Variants in APBB1 observed in about 807,000 individuals in gnomAD.
The protein encoded by APBB1 is adaptor protein FE65a2.
A neutral mutation model predicts 78.4 loss-of-function variants in APBB1; 22 were observed. The ratio of observed to expected loss-of-function variants is 0.28; its 90% CI spans 0.20 to 0.40. The LOEUF (loss-of-function observed/expected upper bound fraction) is 0.40. Among genes scored for constraint, APBB1 ranks in the 10% least tolerant of loss-of-function variants. The pLI, the probability that APBB1 is intolerant of heterozygous loss-of-function variation, is 1.00. For synonymous variants in APBB1, 369 were observed against 372.7 expected (o/e 0.99, Z 0.12); for missense variants, 749 against 932.4 (o/e 0.80, Z 2.56).
chr11:6,408,226 GGA>G (rs1848866722), intron 2 of APBB1, among the ~76,000 whole-genome samples: 1 of 152,166 alleles, frequency 6.6e-6, no homozygotes, highest in African/African-American at 2.4e-5. Context: ...TATGACCACA[GGA>G]GAGAGTCTGA....
chr11:6,405,767 A>C, intron 2 of APBB1: 1 of 810,182 alleles, frequency 1.2e-6, no homozygotes, highest in Non-Finnish European at 1.5e-6. Flanking sequence ...CTCACACTCT[A>C]TGGAATAAGG....
intron 2 of APBB1, chr11:6,405,555 G>A (rs1430533497): frequency 2.0e-6 from 2 of 985,896 alleles, no homozygotes; most frequent in Admixed American, 6.1e-5. Context: ...CTGCTGCTGG[G>A]CAACCAGACA....
intron 2 of APBB1, among the ~76,000 whole-genome samples, chr11:6,404,407 C>A (rs780512420): frequency 2.6e-5 from 4 of 152,144 alleles, no homozygotes; most frequent in African/African-American, 9.7e-5. Context: ...AACATACGAG[C>A]CCCTGCCACA....
Position 6,395,924 on chromosome 11 carries a change from G to C in APBB1, c.1827C>G (p.Leu609=). The change falls in exon 14 of 15, where the codon CTC becomes CTG. Residue 609 remains leucine (L), a synonymous_variant. Transcript: ENST00000609360. The surrounding 1 kb of genome is among the most constrained non-coding windows in gnomAD (Gnocchi z 5.2). ...CATCTCTGCCCACGGCCAGGAAGGA[G>C]AGGAAACGCACCCGACACTCTCCCA... ...AVLGECRVRF[L]SFLAVGRDVH... The C allele has an allele frequency of 6.2e-7, 1 of 1,613,960 alleles. No homozygotes were observed. The highest frequency in any genetic ancestry group is 8.5e-7 in the Non-Finnish European group (1 of 1,179,994).
Position 6,411,580 on chromosome 11 carries a change from C to A in APBB1, c.-14-219G>T, listed in dbSNP as rs1175039591. On this transcript the variant is annotated intron_variant, in intron 1 of 14. Coordinates refer to ENST00000609360, the MANE Select transcript of APBB1 (RefSeq NM_001164.5). The surrounding 1 kb of genome is among the most constrained non-coding windows in gnomAD (Gnocchi z 5.2). ...GCCCAGGTCTGAGGCCCACCCCATC[C>A]CTATATCCCCTGCCCTGAGCTTTCT... Among the ~76,000 whole-genome samples the A allele has an allele frequency of 6.6e-6, 1 of 152,264 alleles. No individual in the cohort carries two copies.
rs1449325391 is a variant in APBB1, at chr11:6,403,641, C to A, written c.897+6G>T. On this transcript the variant is annotated splice_donor_region_variant and intron_variant, in intron 3 of 14. Transcript: ENST00000609360. The surrounding 1 kb of genome is among the most constrained non-coding windows in gnomAD (Gnocchi z 5.3). ...GGCCCAAAATCAACAGGCCTGTGAG[C>A]CTCACCTGGGACTCCTCTTGGGGGC... 5 of 1,610,100 alleles carry A rather than the reference C, an allele frequency of 3.1e-6. No individual in the cohort carries two copies. Among genetic ancestry groups the A allele is most frequent in the South Asian group, 2.2e-5 (2 of 90,626 alleles).
In APBB1 at chr11:6,410,650, G is replaced by A; in HGVS notation, c.698C>T (p.Ser233Phe). 6.6e-7 allele frequency: 1 copy of A among 1,517,620 alleles called. No individual in the cohort carries two copies. Among genetic ancestry groups the A allele is most frequent in the Non-Finnish European group, 8.8e-7 (1 of 1,134,066 alleles). 94.0% of individuals were successfully genotyped at this position (1,517,620 alleles called of 1,614,324 possible). A position where few individuals can be genotyped will look rare whatever the true frequency, so the allele number is the denominator to read the frequency against. ...SWATLSQGSP[S>F]YGSPEDTDSF... ...ACCTGTGTCCTCTGGGGAGCCATAG[G>A]AGGGGCTGCCCTGGGATAAGGTAGC... Residue 233 changes from serine (S) to phenylalanine (F), a missense_variant, in exon 2 of 15, where the codon TCC (serine) becomes TTC (phenylalanine). By Grantham distance (155) the Ser-to-Phe change is radical (BLOSUM62 -2). Transcript: ENST00000609360.
chr11:6,401,014 C>T lies in APBB1; in HGVS notation c.1647G>A (p.Gly549=). The change falls in exon 12 of 15, where the codon GGG becomes GGA. Residue 549 remains glycine, a synonymous_variant. Coordinates refer to ENST00000609360, the MANE Select transcript of APBB1 (RefSeq NM_001164.5). The surrounding 1 kb of genome is among the most constrained non-coding windows in gnomAD (Gnocchi z 4.5). ...LVQKFQVYYL[G]NVPVAKPVGV... ...CAACAGGTTTAGCAACAGGTACATT[C>T]CCCAGGTAATAGACTTGGAACTTCT... The T allele has an allele frequency of 6.2e-7, 1 of 1,614,100 alleles. No individual in the cohort carries two copies. The highest frequency in any genetic ancestry group is 8.5e-7 in the Non-Finnish European group (1 of 1,179,996).
intron 12 of APBB1, among the ~76,000 whole-genome samples, chr11:6,400,626 C>T (rs1453703993): frequency 6.6e-6 from 1 of 152,110 alleles, no homozygotes; most frequent in African/African-American, 2.4e-5. Context: ...GCTCCCAGCC[C>T]ACAGCTGGTG....
In APBB1 at chr11:6,395,879, G is replaced by A; in HGVS notation, c.1872C>T (p.Ile624=). ...VGRDVHTFAF[I]MAAGPASFCC... The stretch of plus-strand genomic sequence containing the variant: ...AGAAGGAGGCTGGGCCGGCAGCCAT[G>A]ATGAATGCAAACGTGTGGACATCTC... The change falls in exon 14 of 15, where the codon ATC becomes ATT. Residue 624 remains isoleucine (I), a synonymous_variant. Transcript: ENST00000609360. The surrounding 1 kb of genome is among the most constrained non-coding windows in gnomAD (Gnocchi z 5.2). 6.2e-7 allele frequency: 1 copy of A among 1,614,072 alleles called. No individual in the cohort carries two copies. Among genetic ancestry groups the A allele is most frequent in the Non-Finnish European group, 8.5e-7 (1 of 1,180,014 alleles).
Position 6,403,415 on chromosome 11 carries a change from G to T in APBB1, c.955-11C>A, listed in dbSNP as rs1313440743. 2 of 1,613,982 alleles carry T rather than the reference G, an allele frequency of 1.2e-6. No individual in the cohort carries two copies. The highest frequency in any genetic ancestry group is 1.3e-5 in the African/African-American group (1 of 74,890). Reference sequence around the variant, plus strand: ...ATCACTGGGTTCATCCTTGGGAAGGGGATTGAGGAATCAGTATCAAAATGA... The same window carrying T: ...ATCACTGGGTTCATCCTTGGGAAGGTGATTGAGGAATCAGTATCAAAATGA... On this transcript the variant is annotated splice_polypyrimidine_tract_variant and intron_variant, in intron 4 of 14. Coordinates refer to ENST00000609360, the MANE Select transcript of APBB1 (RefSeq NM_001164.5). This position sits in a 1 kb window ranked among gnomAD's most constrained non-coding sequence, Gnocchi z 5.3.
chr11:6,408,431 G>T (rs1239921319), intron 2 of APBB1, among the ~76,000 whole-genome samples: 1 of 152,154 alleles, frequency 6.6e-6, no homozygotes, highest in Non-Finnish European at 1.5e-5. Context: ...AAGGTAGGAG[G>T]ATTGTTTGAG....
rs1590788122 is a variant in APBB1 at position 6,410,769 on chromosome 11, T to C, written c.579A>G (p.Gln193=). ...LESVEAPPRP[Q]ALTDGPREHS... is the part of the protein sequence containing the mutation. ...GTTCCCGGGGGCCATCTGTAAGGGC[T>C]TGGGGCCTGGGAGGGGCCTCCACAC... Residue 193 remains glutamine (Q), a synonymous_variant, in exon 2 of 15, where the codon CAA becomes CAG. Coordinates refer to ENST00000609360, the MANE Select transcript of APBB1 (RefSeq NM_001164.5). 1 of 1,600,564 alleles carries C rather than the reference T, an allele frequency of 6.2e-7. No individual in the cohort carries two copies. Among genetic ancestry groups the C allele is most frequent in the Non-Finnish European group, 8.5e-7 (1 of 1,172,056 alleles).
At chr11:6,402,888 G>T in intron 6 of APBB1, 163 bp from the exon 7 acceptor site, 1 of 902,872 alleles carries the variant, frequency 1.1e-6, no homozygotes, top group Non-Finnish European at 1.7e-6. Context: ...GGGTGAGGGA[G>T]ATGTCAGATG....
Position 6,401,137 on chromosome 11 carries a change from G to A in APBB1, c.1589-65C>T. On this transcript the variant is annotated intron_variant, in intron 11 of 14. Coordinates refer to ENST00000609360, the MANE Select transcript of APBB1 (RefSeq NM_001164.5). The surrounding 1 kb of genome is among the most constrained non-coding windows in gnomAD (Gnocchi z 4.5). ...TTGCTCACCCGCAGCCCCACCAGCAGGGCATAAGCTGGACACTTGCCCAGC... is the reference window on the plus strand; with the variant it reads ...TTGCTCACCCGCAGCCCCACCAGCAAGGCATAAGCTGGACACTTGCCCAGC... 1 of 1,613,996 alleles carries A rather than the reference G, an allele frequency of 6.2e-7. No individual in the cohort carries two copies. Among genetic ancestry groups the A allele is most frequent in the South Asian group, 1.1e-5 (1 of 90,996 alleles).
upstream of APBB1, chr11:6,419,132 G>A (rs1226168594): frequency 2.8e-6 from 1 of 362,282 alleles, no homozygotes; most frequent in Non-Finnish European, 4.9e-6. Flanking sequence ...CGCGCGCAAG[G>A]GGAGGGGGAG....
intron 12 of APBB1, among the ~76,000 whole-genome samples, chr11:6,396,800 G>GCA (rs1848254415): frequency 6.6e-6 from 1 of 152,144 alleles, no homozygotes; most frequent in Non-Finnish European, 1.5e-5. Flanking sequence ...CGAGGAATGG[G>GCA]GACCTGAGCT....
In APBB1 at chr11:6,401,364, A is replaced by G. The variant is rs776597470; in HGVS notation, c.1569T>C (p.Leu523=). The part of the protein sequence containing the change: ...VNGLSLDHSK[L]VDVPFQVEFP... ...ACTGACCTTGGAAAGGGACATCCAC[A>G]AGTTTAGAGTGGTCCAGGGAGAGTC... The change falls in exon 11 of 15, where the codon CTT becomes CTC. Residue 523 remains leucine, a synonymous_variant. Transcript: ENST00000609360. This position sits in a 1 kb window ranked among gnomAD's most constrained non-coding sequence, Gnocchi z 4.5. The G allele has an allele frequency of 6.2e-7, 1 of 1,614,106 alleles. No individual in the cohort carries two copies. Among genetic ancestry groups the G allele is most frequent in the Non-Finnish European group, 8.5e-7 (1 of 1,180,014 alleles).
Position 6,401,168 on chromosome 11 carries a change from C to A in APBB1, c.1589-96G>T, listed in dbSNP as rs551264446. The A allele has an allele frequency of 4.9e-4, 787 of 1,612,864 alleles. No homozygotes were observed. The highest frequency in any genetic ancestry group is 6.3e-4 in the Non-Finnish European group (744 of 1,179,394). On this transcript the variant is annotated intron_variant, in intron 11 of 14. Coordinates refer to ENST00000609360, the MANE Select transcript of APBB1 (RefSeq NM_001164.5). This position sits in a 1 kb window ranked among gnomAD's most constrained non-coding sequence, Gnocchi z 4.5. ...AAGCTGGACACTTGCCCAGCCGAGG[C>A]CCTACTTTCATCTCGTCCCCTGCCT...
Sources: gnomAD v4.1 joint callset for allele counts (sites outside exome capture counted in the v4.1 genomes callset) on GRCh38, gnomAD v4.1.1 for gene constraint, Gnocchi (gnomAD v3.1) non-coding constraint, MANE v1.5 for transcripts, NCBI Gene and HGNC (gene_info 2026-07-23, HGNC 2026-07-21) for gene names.